Variants in WWOX observed in about 807,000 individuals in gnomAD.
WWOX encodes the protein WW domain containing oxidoreductase.
A neutral mutation model predicts 46.2 loss-of-function variants in WWOX; 69 were observed. That is an observed-to-expected ratio of 1.49 (90% confidence interval 1.23 to 1.82). WWOX has a LOEUF of 1.82. Ranked by LOEUF, WWOX falls within the 40% of genes most tolerant of loss-of-function variation. The pLI is 0.00. For synonymous variants in WWOX, 359 were observed against 202.6 expected, an observed-to-expected ratio of 1.77 and a Z score of -6.56; for missense variants, 919 against 542.6, an observed-to-expected ratio of 1.69 and a Z score of -6.89.
intron 8 of WWOX, among the ~76,000 whole-genome samples, chr16:78,591,663 A>G (rs1230977375): frequency 2.0e-5 from 3 of 152,234 alleles, no homozygotes; most frequent in Non-Finnish European, 4.4e-5. Context: ...TAAAATGAGC[A>G]TAACCATATC....
chr16:78,747,959 G>T (rs971346904), intron 8 of WWOX, among the ~76,000 whole-genome samples: 1 of 152,174 alleles, frequency 6.6e-6, no homozygotes, highest in East Asian at 1.9e-4. Context: ...AAATAACCAT[G>T]CTTCTTAGTG....
chr16:78,684,656 C>T (rs541872420), intron 8 of WWOX, among the ~76,000 whole-genome samples: 1 of 152,302 alleles, frequency 6.6e-6, no homozygotes, highest in South Asian at 2.1e-4. Context: ...GGACTCTGCC[C>T]TCATGGATGG....
At chr16:78,507,962 A>G (rs1259456468) in intron 8 of WWOX, among the ~76,000 whole-genome samples, 3 of 140,888 alleles carry the variant, frequency 2.1e-5, no homozygotes, top group African/African-American at 5.2e-5. Context: ...CCTTTTATGC[A>G]TGGACTGTGG....
intron 8 of WWOX, among the ~76,000 whole-genome samples, chr16:78,580,812 T>C (rs2045032782): frequency 6.6e-6 from 1 of 152,246 alleles, no homozygotes; most frequent in South Asian, 2.1e-4. Context: ...ATGGCCTTCA[T>C]TAGAATGAAT....
chr16:79,186,025 G>A (rs2150796334), intron 8 of WWOX, among the ~76,000 whole-genome samples: 1 of 152,114 alleles, frequency 6.6e-6, no homozygotes, highest in East Asian at 1.9e-4. Context: ...TACATTCAGA[G>A]AATTTTCTGA....
At chr16:78,135,807 C>T (rs1272755087) in intron 4 of WWOX, among the ~76,000 whole-genome samples, 2 of 152,038 alleles carry the variant, frequency 1.3e-5, no homozygotes, top group Non-Finnish European at 2.9e-5. Context: ...CTTGTCAGTC[C>T]TTTTGGGAGT....
chr16:78,595,423 G>A (rs2738545), intron 8 of WWOX, among the ~76,000 whole-genome samples: 83,050 of 151,712 alleles, frequency 0.55, 25,679 homozygotes, highest in Non-Finnish European at 0.7. Flanking sequence ...CCTGTGGAAC[G>A]TAATATTCGT....
chr16:78,574,519 C>T (rs1249177399), intron 8 of WWOX, among the ~76,000 whole-genome samples: 4 of 152,080 alleles, frequency 2.6e-5, no homozygotes, highest in Non-Finnish European at 5.9e-5. Flanking sequence ...CAACAAGAAG[C>T]CCATGAATGT....
chr16:78,993,995 C>A (rs2046939746), intron 8 of WWOX, among the ~76,000 whole-genome samples: 1 of 152,186 alleles, frequency 6.6e-6, no homozygotes, highest in Non-Finnish European at 1.5e-5. Context: ...CCTAGAGAAC[C>A]CTGGAGCTAC....
At chr16:78,260,194 G>C (rs2038242152) in intron 5 of WWOX, among the ~76,000 whole-genome samples, 1 of 151,432 alleles carries the variant, frequency 6.6e-6, no homozygotes, top group South Asian at 2.1e-4. Context: ...GAGGGACCCA[G>C]GTGAACAGGG....
intron 8 of WWOX, among the ~76,000 whole-genome samples, chr16:79,162,088 C>T (rs1755852824): frequency 6.6e-6 from 1 of 152,142 alleles, no homozygotes; most frequent in Non-Finnish European, 1.5e-5. Flanking sequence ...ACTGGCTACC[C>T]CCTGAATCAT....
chr16:78,540,805 G>A (rs1490593929), intron 8 of WWOX, among the ~76,000 whole-genome samples: 1 of 152,080 alleles, frequency 6.6e-6, no homozygotes, highest in Non-Finnish European at 1.5e-5. Flanking sequence ...TCCCACCTCA[G>A]CCTGAGTAGA....
At chr16:78,166,514 TG>T (rs1029299217) in intron 5 of WWOX, among the ~76,000 whole-genome samples, 1 of 152,156 alleles carries the variant, frequency 6.6e-6, no homozygotes, top group African/African-American at 2.4e-5. Context: ...TTTAAAATTT[TG>T]GTAACAGTTC....
In WWOX at chr16:78,910,965, A is replaced by C. The variant is rs544357689; in HGVS notation, c.1057-300643A>C. Among the ~76,000 whole-genome samples the C allele has an allele frequency of 1.4e-3, 207 of 152,178 alleles. 1 individual carries two copies. Among genetic ancestry groups the C allele is most frequent in the Non-Finnish European group, 2.5e-3 (173 of 68,004 alleles). The stretch of plus-strand genomic sequence containing the variant: ...CCATCATGTTTACATATTTCAAAAT[A>C]ATGTGTTGTGCACAATATATATGTG... On this transcript the variant is annotated intron_variant, in intron 8 of 8. Coordinates refer to ENST00000566780, the MANE Select transcript of WWOX (RefSeq NM_016373.4).
intron 5 of WWOX, among the ~76,000 whole-genome samples, chr16:78,225,194 C>G (rs958946210): frequency 6.6e-6 from 1 of 152,108 alleles, no homozygotes; most frequent in African/African-American, 2.4e-5. Context: ...GGCTATGAAC[C>G]TGTATAGTAT....
At chr16:78,348,724 C>G (rs2081135867) in intron 5 of WWOX, among the ~76,000 whole-genome samples, 1 of 121,272 alleles carries the variant, frequency 8.2e-6, no homozygotes, top group African/African-American at 2.8e-5. Flanking sequence ...TCCCAAAGTG[C>G]TAGGATTACA....
intron 8 of WWOX, among the ~76,000 whole-genome samples, chr16:79,056,854 G>C (rs118126347): frequency 6.6e-6 from 1 of 152,194 alleles, no homozygotes; most frequent in African/African-American, 2.4e-5. Flanking sequence ...CATAGGAATA[G>C]TTCAAAGCTA....
chr16:78,372,993 C>G (rs2081730519), intron 5 of WWOX, among the ~76,000 whole-genome samples: 1 of 152,152 alleles, frequency 6.6e-6, no homozygotes, highest in Admixed American at 6.5e-5. Flanking sequence ...CTCTCAAAGA[C>G]TTTTGCAGGC....
At chr16:78,808,604 A>G (rs1484585202) in intron 8 of WWOX, among the ~76,000 whole-genome samples, 1 of 152,300 alleles carries the variant, frequency 6.6e-6, no homozygotes, top group East Asian at 1.9e-4. Flanking sequence ...CCTCTTCCTC[A>G]CTGCTTCATT....
Sources: allele counts gnomAD v4.1 joint callset (sites outside exome capture counted in the v4.1 genomes callset), GRCh38; gene constraint gnomAD v4.1.1; transcripts MANE v1.5; gene names NCBI Gene and HGNC (gene_info 2026-07-23, HGNC 2026-07-21).